Variants in ITIH3 observed in about 807,000 individuals in gnomAD.
The protein encoded by ITIH3 is inter-alpha-trypsin inhibitor heavy chain H3.
In ITIH3, 81 loss-of-function variants were observed where a neutral mutation model predicts 96.5. That is an observed-to-expected ratio of 0.84 (90% CI 0.70 to 1.01). ITIH3 has a LOEUF of 1.01. Among genes scored for constraint, ITIH3 ranks in the 50% least tolerant of loss-of-function variants. ITIH3 has a pLI of 0.00. For synonymous variants in ITIH3, 422 were observed against 445.2 expected, an observed-to-expected ratio of 0.95 and a Z score of 0.66; for missense variants, 1,057 against 1,139.3, an observed-to-expected ratio of 0.93 and a Z score of 1.04.
chr3:52,802,658 C>A lies in ITIH3; in HGVS notation c.1570-9C>A, dbSNP rs768346911. The stretch of plus-strand genomic sequence containing the variant: ...TCCAGCCCCTTGCCTCCTTCTACCC[C>A]CACCCTAGGCCACCAACGACCTGAC... On this transcript the variant is annotated splice_polypyrimidine_tract_variant and intron_variant, in intron 12 of 21. Transcript: ENST00000449956. 6.2e-7 allele frequency: 1 copy of A among 1,613,844 alleles called. No individual in the cohort carries two copies. The highest frequency in any genetic ancestry group is 8.5e-7 in the Non-Finnish European group (1 of 1,179,860).
rs1054654028 is a variant in ITIH3, at chr3:52,795,978, A to G, written c.114+355A>G. On this transcript the variant is annotated intron_variant, in intron 2 of 21. Transcript: ENST00000449956. ...GGAGGGGGCTGGAACACCTCCCTAG[A>G]GCCTCTCAAAATTCAACACCCCTAT... 1.3e-5 allele frequency: 4 copies of G among 296,524 alleles called. No individual in the cohort carries two copies. In the East Asian group the frequency reaches 2.7e-4, roughly 20 times the overall value. The allele number at this position is 296,524 out of a possible 1,614,324, so 18.4% of individuals were successfully genotyped here.
chr3:52,807,208 C>A (rs1168420742), intron 19 of ITIH3, 103 bp downstream of exon 19: 2 of 1,021,422 alleles, frequency 2.0e-6, no homozygotes, highest in Non-Finnish European at 2.9e-6. Flanking sequence ...CCATGGGGGT[C>A]ACAGGAAAGA....
intron 13 of ITIH3, among the ~76,000 whole-genome samples, chr3:52,803,322 A>AT (rs1252214362): frequency 9.5e-4 from 94 of 99,378 alleles, no homozygotes; most frequent in Non-Finnish European, 1.4e-3. Flanking sequence ...TTTTATTATT[A>AT]TTATTTTTTT....
At chr3:52,794,988 AGGCAGAG>A (rs1559469235) in intron 1 of ITIH3, 92 bp downstream of exon 1, 1 of 1,054,416 alleles carries the variant, frequency 9.5e-7, no homozygotes, top group African/African-American at 1.6e-5. Flanking sequence ...AGTGAAGAGG[AGGCAGAG>A]GGCTGGGCAC....
In ITIH3 at chr3:52,799,022, A is replaced by G. The variant is rs771523939; in HGVS notation, c.720A>G (p.Thr240=). ...AACAGCGTTCATGCCCAACCTGTAC[A>G]GACTCCCTCCTCAATGGAGATTTCA... is the stretch of plus-strand genomic sequence containing the variant. ...LDQQRSCPTC[T]DSLLNGDFTI... is the part of the protein sequence containing the mutation. Residue 240 remains threonine (T), a synonymous_variant, in exon 7 of 22, where the codon ACA becomes ACG. Coordinates refer to ENST00000449956, the MANE Select transcript of ITIH3 (RefSeq NM_002217.4). The G allele has an allele frequency of 6.2e-7, 1 of 1,613,674 alleles. No homozygotes were observed. The highest frequency in any genetic ancestry group is 1.7e-5 in the Admixed American group (1 of 59,982).
At chr3:52,806,833 C>A (rs961959982) in intron 18 of ITIH3, 68 bp from the exon 19 acceptor site, 1 of 1,325,256 alleles carries the variant, frequency 7.5e-7, no homozygotes, top group African/African-American at 1.5e-5. Flanking sequence ...GAGGAAGGCA[C>A]ACCCCTAAAG....
At position 52,800,655 on chromosome 3, in the gene ITIH3, C is replaced by T. The variant is rs1368069746; in HGVS notation, c.1193C>T (p.Ala398Val). ...GTCATCATGCTGACTGATGGGGATG[C>T]CAATGTTGGTGAGGAGCACGGGCAT... is the stretch of plus-strand genomic sequence containing the variant. The part of the protein sequence containing the change: ...SIVIMLTDGD[A>V]NVGESRPEKI... Residue 398 changes from alanine (A) to valine (V), a missense_variant, in exon 10 of 22, where the codon GCC becomes GTC. By Grantham distance (64) the Ala-to-Val change is moderately conservative (BLOSUM62 0). Coordinates refer to ENST00000449956, the MANE Select transcript of ITIH3 (RefSeq NM_002217.4). 6.3e-7 allele frequency: 1 copy of T among 1,598,242 alleles called. No individual in the cohort carries two copies. Among genetic ancestry groups the T allele is most frequent in the South Asian group, 1.1e-5 (1 of 87,920 alleles).
chr3:52,801,020 G>A lies in ITIH3; in HGVS notation c.1257G>A (p.Lys419=), dbSNP rs369942309. The A allele has an allele frequency of 2.6e-5, 42 of 1,613,966 alleles. No individual in the cohort carries two copies. Among genetic ancestry groups the A allele is most frequent in the African/African-American group, 1.3e-4 (10 of 74,952 alleles). ...QENVRNAIGG[K]FPLYNLGFGN... ...ATGTGCGGAATGCCATCGGGGGCAAGTTCCCCTTGTATAACCTGGGCTTTG... is the reference window on the plus strand; with the variant it reads ...ATGTGCGGAATGCCATCGGGGGCAAATTCCCCTTGTATAACCTGGGCTTTG... The change falls in exon 11 of 22, where the codon AAG becomes AAA. Residue 419 remains lysine, a synonymous_variant. Coordinates refer to ENST00000449956, the MANE Select transcript of ITIH3 (RefSeq NM_002217.4).
At position 52,802,439 on chromosome 3, in the gene ITIH3, G is replaced by A. The variant is rs1699869494; in HGVS notation, c.1489G>A (p.Asp497Asn). 2.5e-6 allele frequency: 4 copies of A among 1,614,006 alleles called. No homozygotes were observed. The highest frequency in any genetic ancestry group is 2.5e-6 in the Non-Finnish European group (3 of 1,179,888). ...CCAGAACACTTACCAGCACTTCTAC[G>A]ATGGCTCTGAGATCGTGGTGGCCGG... Reference protein sequence around the residue: ...LTQNTYQHFYDGSEIVVAGRL... With the variant: ...LTQNTYQHFYNGSEIVVAGRL... Residue 497 changes from aspartate to asparagine, a missense_variant, in exon 12 of 22, where the codon GAT (aspartate) becomes AAT (asparagine). Asp to Asn is a conservative substitution (Grantham distance 23, BLOSUM62 1). Coordinates refer to ENST00000449956, the MANE Select transcript of ITIH3 (RefSeq NM_002217.4).
At chr3:52,808,527 T>A in intron 21 of ITIH3, 25 bp from the exon 22 acceptor site, 1 of 1,610,468 alleles carries the variant, frequency 6.2e-7, no homozygotes, top group Non-Finnish European at 8.5e-7. Context: ...CCCCGTGTAT[T>A]GCAGCATCTC....
At chr3:52,806,802 C>G in intron 18 of ITIH3, 99 bp from the exon 19 acceptor site, 1 of 937,506 alleles carries the variant, frequency 1.1e-6, no homozygotes, top group Non-Finnish European at 1.7e-6. Flanking sequence ...GCTCTGCTGC[C>G]CCTCAGCCAG....
chr3:52,806,537 T>G, intron 18 of ITIH3, 131 bp downstream of exon 18: 1 of 698,488 alleles, frequency 1.4e-6, no homozygotes, highest in East Asian at 2.8e-5. Flanking sequence ...AAGAAACCCC[T>G]GGGGGTGGGG....
chr3:52,806,248 G>A (rs779689143), intron 17 of ITIH3, 45 bp from the exon 18 acceptor site: 7 of 1,601,510 alleles, frequency 4.4e-6, no homozygotes, highest in South Asian at 3.3e-5. Flanking sequence ...CCCCAGGTAT[G>A]ATGAGAGGCC....
chr3:52,798,944 G>A (rs187217841), intron 6 of ITIH3, 22 bp from the exon 7 acceptor site: 50 of 1,611,368 alleles, frequency 3.1e-5, no homozygotes, highest in Admixed American at 1.2e-4. Context: ...GCTGAGCAAG[G>A]TCTTTCATCT....
chr3:52,806,497 CT>C (rs1700055122), intron 18 of ITIH3, 91 bp downstream of exon 18: 1 of 959,844 alleles, frequency 1.0e-6, no homozygotes, highest in Non-Finnish European at 1.6e-6. Context: ...GGTTCTCACT[CT>C]GCCCAGTAAG....
At chr3:52,805,047 G>A (rs146238083) in intron 15 of ITIH3, 9 of 337,006 alleles carry the variant, frequency 2.7e-5, no homozygotes, top group East Asian at 6.3e-5. Flanking sequence ...CCCTCCAAGA[G>A]GGCCCTTTTA....
chr3:52,807,915 G>A lies in ITIH3; in HGVS notation c.2430G>A (p.Leu810=), dbSNP rs771221878. 2.8e-5 allele frequency: 45 copies of A among 1,612,304 alleles called. No homozygotes were observed. Among genetic ancestry groups the A allele is most frequent in the Non-Finnish European group, 3.4e-5 (40 of 1,179,260 alleles). ...TGTCAGCACAGACGCATGGGCTGCT[G>A]GGTACGAAGTGTTCAGACTGCAGGC... is the stretch of plus-strand genomic sequence containing the variant. ...HRMSAQTHGL[L]GQFFQPFDFK... Residue 810 remains leucine, a splice_region_variant and synonymous_variant, in exon 20 of 22, where the codon CTG becomes CTA. Transcript: ENST00000449956.
chr3:52,807,282 A>C (rs1445777492), intron 19 of ITIH3, among the ~76,000 whole-genome samples, 177 bp downstream of exon 19: 1 of 152,080 alleles, frequency 6.6e-6, no homozygotes, highest in Non-Finnish European at 1.5e-5. Context: ...CCCCAACCAA[A>C]CCCTGGGGCC....
At chr3:52,798,029 CATGT>C in intron 6 of ITIH3, 99 bp downstream of exon 6, 2 of 718,802 alleles carry the variant, frequency 2.8e-6, no homozygotes, top group South Asian at 1.8e-5. Flanking sequence ...TGCAAGCATG[CATGT>C]GTTGGGGTGG....
Sources: gnomAD v4.1 joint callset for allele counts (sites outside exome capture counted in the v4.1 genomes callset) on GRCh38, gnomAD v4.1.1 for gene constraint, MANE v1.5 for transcripts, NCBI Gene and HGNC (gene_info 2026-07-23, HGNC 2026-07-21) for gene names.